OBI1: variants seen among roughly 807,000 people sequenced by gnomAD.
OBI1 encodes ring finger protein 219.
A neutral mutation model predicts 62.4 loss-of-function variants in OBI1; 59 were observed. That is an observed-to-expected ratio of 0.95 (90% confidence interval 0.77 to 1.17). The LOEUF (loss-of-function observed/expected upper bound fraction) is 1.17, where lower values mean the gene tolerates loss of function less well. OBI1 is among the 50% of genes most tolerant of loss of function. The probability of loss-of-function intolerance (pLI) is 0.00; values close to 1 mark genes in which losing one functional copy is unlikely to be tolerated. For synonymous variants in OBI1, 302 were observed against 292.8 expected, an observed-to-expected ratio of 1.03 and a Z score of -0.32; for missense variants, 875 against 830.9, an observed-to-expected ratio of 1.05 and a Z score of -0.65.
chr13:78,628,136 T>C (rs2137438159), intron 5 of OBI1, among the ~76,000 whole-genome samples: 1 of 152,314 alleles, frequency 6.6e-6, no homozygotes, highest in East Asian at 1.9e-4. Flanking sequence ...ATGGACTCTG[T>C]TAAAAGGGTA....
At chr13:78,621,353 T>G (rs976240262) in intron 5 of OBI1, among the ~76,000 whole-genome samples, 1 of 152,188 alleles carries the variant, frequency 6.6e-6, no homozygotes, top group Non-Finnish European at 1.5e-5. Flanking sequence ...ACATAAATAA[T>G]AGACGTGCTT....
intron 5 of OBI1, among the ~76,000 whole-genome samples, chr13:78,632,785 A>G (rs1256018759): frequency 6.6e-6 from 1 of 152,200 alleles, no homozygotes; most frequent in Non-Finnish European, 1.5e-5. Flanking sequence ...ATCAAATGCA[A>G]TGCATTTAAT....
chr13:78,635,488 T>A (rs777804103), intron 4 of OBI1, among the ~76,000 whole-genome samples: 24 of 152,208 alleles, frequency 1.6e-4, no homozygotes, highest in Non-Finnish European at 2.9e-4. Flanking sequence ...TAATGGCAAA[T>A]GTATGTGTGA....
chr13:78,617,265 T>C, intron 5 of OBI1, 143 bp from the exon 6 acceptor site: 2 of 544,434 alleles, frequency 3.7e-6, no homozygotes, highest in Non-Finnish European at 6.1e-6. Context: ...AAATGCCAGA[T>C]GTATATTTTC....
intron 5 of OBI1, among the ~76,000 whole-genome samples, chr13:78,619,931 C>T (rs1875454491): frequency 6.6e-6 from 1 of 152,188 alleles, no homozygotes; most frequent in Non-Finnish European, 1.5e-5. Context: ...ATGACAGTCA[C>T]TGTATTACTA....
intron 4 of OBI1, among the ~76,000 whole-genome samples, chr13:78,637,200 A>T (rs1876055852): frequency 6.6e-6 from 1 of 152,216 alleles, no homozygotes; most frequent in Admixed American, 6.5e-5. Flanking sequence ...CTTTATTCTG[A>T]ATCTTTTGTA....
In OBI1 at chr13:78,635,185, A is replaced by G; in HGVS notation, c.563T>C (p.Leu188Ser). ...CACCAGACCACCATTTTCCAATTTC[A>G]ATTTTTTATTTGCCTAAAATAACAA... ...VDKLKEANKK[L>S]KLENGGLVRE... is the part of the protein sequence containing the mutation. The change falls in exon 5 of 6, where the codon TTG (leucine) becomes TCG (serine). Residue 188 changes from leucine (L) to serine (S), a missense_variant. Transcript: ENST00000282003. 3 of 1,601,774 alleles carry G rather than the reference A, an allele frequency of 1.9e-6. No individual in the cohort carries two copies. The highest frequency in any genetic ancestry group is 2.6e-6 in the Non-Finnish European group (3 of 1,171,534).
intron 5 of OBI1, among the ~76,000 whole-genome samples, chr13:78,628,816 C>A (rs185883465): frequency 1.8e-4 from 28 of 151,836 alleles, no homozygotes; most frequent in African/African-American, 6.5e-4. Flanking sequence ...TCTTAACCAC[C>A]GTGCTCTGTG....
In OBI1 at chr13:78,659,058, G is replaced by GC. The variant is rs1876800975; in HGVS notation, c.62dup (p.Cys21TrpfsTer23). The GC allele has an allele frequency of 6.2e-7, 1 of 1,612,954 alleles. No homozygotes were observed. Among genetic ancestry groups the GC allele is most frequent in the Non-Finnish European group, 8.5e-7 (1 of 1,179,630 alleles). On this transcript the variant is annotated frameshift_variant, in exon 1 of 6. Coordinates refer to ENST00000282003, the MANE Select transcript of OBI1 (RefSeq NM_024546.4). LOFTEE classifies it high-confidence loss of function. Reference sequence around the variant, plus strand: ...CACAATCACCCATTACCTTCCCCAAGCAAATGTGGCACGTGATGGGCAGAG... The same window carrying GC: ...CACAATCACCCATTACCTTCCCCAAGCCAAATGTGGCACGTGATGGGCAGAG...
chr13:78,615,579 G>A lies in OBI1; in HGVS notation c.*1C>T, dbSNP rs1044382. The A allele has an allele frequency of 6.3e-7, 1 of 1,585,118 alleles. No homozygotes were observed. Among genetic ancestry groups the A allele is most frequent in the South Asian group, 1.2e-5 (1 of 86,034 alleles). On this transcript the variant is annotated 3_prime_UTR_variant, in exon 6 of 6. Transcript: ENST00000282003. ...ACCACAAATGACACCTTTCTAATGA[G>A]TCAACTTTTAGTTGCTTTTGATGGG... is the stretch of plus-strand genomic sequence containing the variant.
At chr13:78,617,475 TATG>T (rs1316947765) in intron 5 of OBI1, 1 of 190,010 alleles carries the variant, frequency 5.3e-6, no homozygotes, top group African/African-American at 2.3e-5. Flanking sequence ...GGCAAAGATT[TATG>T]ATAACATTTG....
chr13:78,645,752 G>C (rs1022441402), intron 1 of OBI1, among the ~76,000 whole-genome samples: 5 of 152,146 alleles, frequency 3.3e-5, no homozygotes, highest in African/African-American at 1.2e-4. Context: ...CTGGGTTCAA[G>C]CAATTCTCCT....
Position 78,659,152 on chromosome 13 carries a change from TC to T in OBI1, c.-33del. The T allele has an allele frequency of 6.3e-7, 1 of 1,599,782 alleles. No homozygotes were observed. Among genetic ancestry groups the T allele is most frequent in the South Asian group, 1.1e-5 (1 of 89,510 alleles). The stretch of plus-strand genomic sequence containing the variant: ...GTTCAGAATCCCGCCAACACGGAAG[TC>T]CCGCCGACCTACCGCTACTCTTCGC... On this transcript the variant is annotated 5_prime_UTR_variant, in exon 1 of 6. Transcript: ENST00000282003.
intron 1 of OBI1, 150 bp downstream of exon 1, chr13:78,658,899 G>A: frequency 1.6e-6 from 1 of 641,366 alleles, no homozygotes; most frequent in Non-Finnish European, 2.8e-6. Context: ...CATCTCCCAG[G>A]ACGCGGCCTC....
At chr13:78,644,672 C>G (rs1876329033) in intron 2 of OBI1, among the ~76,000 whole-genome samples, 190 bp downstream of exon 2, 2 of 151,880 alleles carry the variant, frequency 1.3e-5, no homozygotes, top group South Asian at 4.2e-4. Flanking sequence ...AGGGTTATTC[C>G]TCTTAGCACC....
chr13:78,617,404 C>T lies in OBI1; in HGVS notation c.639-282G>A, dbSNP rs78687651. ...CAGAAATGTGCTGATGATTTCCCCTCGAAGAGCTGGCTGTATCAATTCAGC... is the reference window on the plus strand; with the variant it reads ...CAGAAATGTGCTGATGATTTCCCCTTGAAGAGCTGGCTGTATCAATTCAGC... On this transcript the variant is annotated intron_variant, in intron 5 of 5. Transcript: ENST00000282003. The T allele has an allele frequency of 6.0e-3, 1,758 of 294,154 alleles. 31 individuals carry two copies. Among genetic ancestry groups the T allele is most frequent in the African/African-American group, 0.035 (1,589 of 45,964 alleles). The allele number at this position is 294,154 out of a possible 1,614,324, so 18.2% of individuals were successfully genotyped here. A position where few individuals can be genotyped will look rare whatever the true frequency, so the allele number is the denominator to read the frequency against.
intron 5 of OBI1, among the ~76,000 whole-genome samples, chr13:78,619,368 CAT>C (rs1875436833): frequency 6.6e-6 from 1 of 150,624 alleles, no homozygotes; most frequent in Non-Finnish European, 1.5e-5. Flanking sequence ...AAAGAAGTAA[CAT>C]ATGGTTTGGA....
At chr13:78,634,023 G>C (rs112968153) in intron 5 of OBI1, among the ~76,000 whole-genome samples, 1 of 150,368 alleles carries the variant, frequency 6.7e-6, no homozygotes, top group Non-Finnish European at 1.5e-5. Context: ...AGCCGAGATC[G>C]CGCCACTGCA....
At chr13:78,643,471 T>C (rs936629277) in intron 2 of OBI1, among the ~76,000 whole-genome samples, 1 of 152,134 alleles carries the variant, frequency 6.6e-6, no homozygotes, top group African/African-American at 2.4e-5. Context: ...CTCTGTAGCA[T>C]ATATATTCCT....
Sources: allele counts gnomAD v4.1 joint callset (sites outside exome capture counted in the v4.1 genomes callset), GRCh38; gene constraint gnomAD v4.1.1; transcripts MANE v1.5; gene names NCBI Gene and HGNC (gene_info 2026-07-23, HGNC 2026-07-21).